Variants in CDH18 observed in about 807,000 individuals in gnomAD.
CDH18 encodes cadherin 18, also known as cadherin-18.
A neutral mutation model predicts 67.9 loss-of-function variants in CDH18; 31 were observed. That is an observed-to-expected ratio of 0.46 (90% CI 0.34 to 0.62). The LOEUF (loss-of-function observed/expected upper bound fraction) is 0.62. Ranked by LOEUF, CDH18 falls within the 20% of genes least tolerant of loss-of-function variation. The pLI is 0.01. For missense variants in CDH18, 890 were observed against 975.5 expected, an observed-to-expected ratio of 0.91 and a Z score of 1.17; for synonymous variants, 362 against 347.2, an observed-to-expected ratio of 1.04 and a Z score of -0.48.
intron 2 of CDH18, among the ~76,000 whole-genome samples, chr5:19,978,746 T>C (rs1798737654): frequency 6.6e-6 from 1 of 152,046 alleles, no homozygotes; most frequent in Non-Finnish European, 1.5e-5. Context: ...TCAGACTGAG[T>C]CCTTCTCACA....
At chr5:19,678,184 C>T (rs1429240529) in intron 5 of CDH18, among the ~76,000 whole-genome samples, 3 of 151,172 alleles carry the variant, frequency 2.0e-5, no homozygotes, top group African/African-American at 4.9e-5. Context: ...TTCTTCTCAT[C>T]TGCAGATAGC....
At chr5:20,019,580 T>A (rs1440676781) in intron 2 of CDH18, among the ~76,000 whole-genome samples, 3 of 152,200 alleles carry the variant, frequency 2.0e-5, no homozygotes, top group African/African-American at 7.2e-5. Context: ...TCCTTCTCTG[T>A]CCATATACAG....
intron 2 of CDH18, among the ~76,000 whole-genome samples, chr5:20,253,203 A>G (rs1743992350): frequency 6.6e-6 from 1 of 152,198 alleles, no homozygotes; most frequent in African/African-American, 2.4e-5. Flanking sequence ...TCACTGGCAC[A>G]TAAAGATCTT....
chr5:19,837,561 C>G (rs894550024), intron 3 of CDH18, among the ~76,000 whole-genome samples: 13 of 152,110 alleles, frequency 8.5e-5, no homozygotes, highest in African/African-American at 3.1e-4. Context: ...GTTCTTCTGT[C>G]TCATTTTAAT....
intron 1 of CDH18, among the ~76,000 whole-genome samples, chr5:20,473,567 T>A (rs187239970): frequency 9.8e-4 from 149 of 152,186 alleles, no homozygotes; most frequent in African/African-American, 3.4e-3. Context: ...GTACTTAAAA[T>A]ATTGTTCTTT....
chr5:19,664,729 TA>T (rs994039827), intron 5 of CDH18, among the ~76,000 whole-genome samples: 1 of 152,006 alleles, frequency 6.6e-6, no homozygotes, highest in African/African-American at 2.4e-5. Context: ...ATGCATGAGA[TA>T]AAATTCTATG....
chr5:20,031,949 G>A (rs1281790495), intron 2 of CDH18, among the ~76,000 whole-genome samples: 1 of 151,892 alleles, frequency 6.6e-6, no homozygotes, highest in Admixed American at 6.6e-5. Flanking sequence ...AACAATGAAC[G>A]GTGACATCTG....
At chr5:20,095,507 G>A (rs926968995) in intron 2 of CDH18, among the ~76,000 whole-genome samples, 1,566 of 100,352 alleles carry the variant, frequency 0.016, 27 homozygotes, top group Non-Finnish European at 0.024. Context: ...GGGAGGGAGG[G>A]AGGATGGAAG....
chr5:20,532,917 G>T (rs1756504197), intron 1 of CDH18, among the ~76,000 whole-genome samples: 1 of 147,434 alleles, frequency 6.8e-6, no homozygotes, highest in African/African-American at 2.5e-5. Flanking sequence ...CTAAAAACCT[G>T]AAACTCCCTC....
At chr5:19,966,571 C>T (rs964200941) in intron 2 of CDH18, among the ~76,000 whole-genome samples, 1 of 151,840 alleles carries the variant, frequency 6.6e-6, no homozygotes, top group Non-Finnish European at 1.5e-5. Flanking sequence ...AAGAAAGTAG[C>T]AAAATTGCTA....
chr5:19,805,363 C>T (rs1156291941), intron 3 of CDH18, among the ~76,000 whole-genome samples: 1 of 152,174 alleles, frequency 6.6e-6, no homozygotes, highest in Non-Finnish European at 1.5e-5. Context: ...ATTCTACGCC[C>T]TCTGCAGAAT....
intron 2 of CDH18, among the ~76,000 whole-genome samples, chr5:20,100,067 G>A: frequency 6.6e-6 from 1 of 152,124 alleles, no homozygotes; most frequent in Non-Finnish European, 1.5e-5. Context: ...ATTACAGGGT[G>A]AGCCACCATG....
intron 5 of CDH18, among the ~76,000 whole-genome samples, chr5:19,693,009 A>G (rs1762096805): frequency 6.6e-6 from 1 of 152,124 alleles, no homozygotes; most frequent in Non-Finnish European, 1.5e-5. Context: ...CTATCAATCG[A>G]TTAATGCATA....
intron 1 of CDH18, among the ~76,000 whole-genome samples, chr5:20,301,509 C>G (rs1428963087): frequency 6.6e-6 from 1 of 152,166 alleles, no homozygotes; most frequent in Non-Finnish European, 1.5e-5. Flanking sequence ...TCCCCATCAT[C>G]TACCATACTA....
chr5:19,669,806 T>C (rs761745643), intron 5 of CDH18, among the ~76,000 whole-genome samples: 13 of 152,194 alleles, frequency 8.5e-5, no homozygotes, highest in Non-Finnish European at 1.9e-4. Context: ...CTGTGCATCG[T>C]ACATACTATA....
intron 2 of CDH18, among the ~76,000 whole-genome samples, chr5:19,841,086 G>A (rs909016627): frequency 4.6e-5 from 7 of 152,084 alleles, no homozygotes; most frequent in East Asian, 1.9e-4. Flanking sequence ...TCAAGAGCAC[G>A]GCATTTTTCT....
chr5:19,623,797 C>G (rs915469234), intron 5 of CDH18, among the ~76,000 whole-genome samples: 2 of 151,176 alleles, frequency 1.3e-5, no homozygotes, highest in African/African-American at 4.8e-5. Context: ...ATACATATAT[C>G]AATGACCATC....
At chr5:20,439,778 A>G (rs1480975389) in intron 1 of CDH18, among the ~76,000 whole-genome samples, 1 of 151,458 alleles carries the variant, frequency 6.6e-6, no homozygotes, top group Non-Finnish European at 1.5e-5. Context: ...TGTCTATTTT[A>G]CTCCGTGTGG....
At position 20,565,483 on chromosome 5, in the gene CDH18, T is replaced by C. The variant is rs116702904; in HGVS notation, c.-580+9979A>G. Among the ~76,000 whole-genome samples, 508 of 152,270 alleles carry C rather than the reference T, an allele frequency of 3.3e-3. 4 individuals are homozygous for C. The highest frequency in any genetic ancestry group is 0.012 in the African/African-American group (492 of 41,550). ...TCTATTCCTCTGGAATCTCTCCATC[T>C]TCATTGATATCAGGAAGCCCATATC... is the stretch of plus-strand genomic sequence containing the variant. On this transcript the variant is annotated intron_variant, in intron 1 of 14. Transcript: ENST00000507958.
Sources: allele counts gnomAD v4.1 joint callset (sites outside exome capture counted in the v4.1 genomes callset), GRCh38; gene constraint gnomAD v4.1.1; transcripts MANE v1.5; gene names NCBI Gene and HGNC (gene_info 2026-07-23, HGNC 2026-07-21).